The following FAM185A variants were observed in gnomAD, a reference collection of about 807,000 sequenced individuals.
FAM185A encodes family with sequence similarity 185 member A, also known as protein FAM185A.
FAM185A carries 21 observed loss-of-function variants against 45.7 expected under a neutral mutation model. The observed-to-expected ratio is 0.46, with a 90% CI of 0.33 to 0.66. FAM185A has a LOEUF of 0.66. Ranked by LOEUF, FAM185A falls within the 30% of genes least tolerant of loss-of-function variation. The probability of loss-of-function intolerance (pLI) is 0.03; values close to 1 mark genes in which losing one functional copy is unlikely to be tolerated. For missense variants in FAM185A, 305 were observed against 485.4 expected, an observed-to-expected ratio of 0.63 and a Z score of 3.49; for synonymous variants, 117 against 194.0, an observed-to-expected ratio of 0.60 and a Z score of 3.30.
chr7:102,757,491 CTAT>C (rs1401749364), intron 2 of FAM185A, among the ~76,000 whole-genome samples: 1 of 152,098 alleles, frequency 6.6e-6, no homozygotes, highest in Non-Finnish European at 1.5e-5. Flanking sequence ...TAAGTGATAA[CTAT>C]TATTGTTATT....
intron 6 of FAM185A, among the ~76,000 whole-genome samples, chr7:102,784,837 A>G (rs1795671854): frequency 6.6e-6 from 1 of 152,236 alleles, no homozygotes; most frequent in Non-Finnish European, 1.5e-5. Flanking sequence ...GGCCAGGGCA[A>G]TCAGGCAGGA....
At chr7:102,797,189 A>G (rs1423212188) in intron 7 of FAM185A, among the ~76,000 whole-genome samples, 3 of 152,202 alleles carry the variant, frequency 2.0e-5, no homozygotes, top group Non-Finnish European at 4.4e-5. Context: ...GAGGCTGGGC[A>G]CGGTGGCTCA....
chr7:102,835,153 T>C, the FAM185A span, among the ~76,000 whole-genome samples: 1 of 152,216 alleles, frequency 6.6e-6, no homozygotes, highest in Admixed American at 6.5e-5. Context: ...CATTCTTTGA[T>C]CTCATGCAGA....
chr7:102,784,530 T>C (rs1039756002), intron 6 of FAM185A, among the ~76,000 whole-genome samples: 12 of 152,132 alleles, frequency 7.9e-5, no homozygotes, highest in Non-Finnish European at 1.6e-4. Flanking sequence ...TGGTTCAACA[T>C]ATGCAAATCA....
the FAM185A span, among the ~76,000 whole-genome samples, chr7:102,834,145 GAAGAC>G: frequency 7.4e-5 from 7 of 94,794 alleles, no homozygotes; most frequent in South Asian, 1.1e-3. Context: ...AAAGAAAAGA[GAAGAC>G]AAGAGAAAAG....
the FAM185A span, chr7:102,822,154 TGCAG>T: frequency 3.7e-6 from 6 of 1,614,176 alleles, no homozygotes; most frequent in East Asian, 1.3e-4. Flanking sequence ...ATCCAAAATG[TGCAG>T]GTAATGGCAT....
At chr7:102,791,943 AATTTTGGAAATAATGAGCAGCTTTAT>A (rs1240723014) in intron 7 of FAM185A, among the ~76,000 whole-genome samples, 1 of 152,118 alleles carries the variant, frequency 6.6e-6, no homozygotes, top group Non-Finnish European at 1.5e-5. Context: ...TCTGAAACCA[AATTTTGGAAATAATGAGCAGCTTTAT>A]ATGTGAGCTA....
intron 4 of FAM185A, among the ~76,000 whole-genome samples, chr7:102,762,627 G>A (rs1323479682): frequency 2.0e-5 from 3 of 152,124 alleles, no homozygotes; most frequent in Admixed American, 6.5e-5. Context: ...TAGAAAGCAT[G>A]GTTAGTGCTA....
rs1385931007 is a variant in FAM185A at position 102,752,932 on chromosome 7, T to A, written c.561+1131T>A. 2.6e-5 allele frequency among the ~76,000 whole-genome samples: 4 copies of A among 151,152 alleles called. No homozygotes were observed. In the East Asian group the frequency reaches 7.8e-4, roughly 29 times the overall value. On this transcript the variant is annotated intron_variant, in intron 2 of 7. Transcript: ENST00000413034. ...TTGCAAAATATTTTCATTTTTAGAT[T>A]TCTAAACACTAGTTAGAATAATTTG...
chr7:102,768,451 T>C (rs28660569), intron 4 of FAM185A, among the ~76,000 whole-genome samples: 76,682 of 78,806 alleles, frequency 0.97, 37,424 homozygotes, highest in East Asian at 1. Context: ...TAATTATAAA[T>C]TCCTCAAGAA....
At chr7:102,788,127 G>A (rs1795930660) in intron 7 of FAM185A, among the ~76,000 whole-genome samples, 1 of 151,986 alleles carries the variant, frequency 6.6e-6, no homozygotes, top group Non-Finnish European at 1.5e-5. Context: ...ACCATGCCCG[G>A]CTAATTTTTT....
chr7:102,811,067 T>C (rs1425518513), downstream of FAM185A, among the ~76,000 whole-genome samples: 3 of 152,206 alleles, frequency 2.0e-5, no homozygotes, highest in Non-Finnish European at 2.9e-5. Context: ...TGGTGTGTTA[T>C]ACTATTAAGT....
At chr7:102,812,840 CTTTTTTTTTT>C (rs908090315), downstream of FAM185A, among the ~76,000 whole-genome samples, 4 of 122,566 alleles carry the variant, frequency 3.3e-5, no homozygotes, top group African/African-American at 6.0e-5. Context: ...GATTTGGCTT[CTTTTTTTTTT>C]TTTTTTTTTT....
At chr7:102,835,603 GTTT>G in the FAM185A span, among the ~76,000 whole-genome samples, 3 of 97,510 alleles carry the variant, frequency 3.1e-5, no homozygotes, top group Admixed American at 1.3e-4. Context: ...AGGTGACATT[GTTT>G]TTTTTTTTTT....
chr7:102,791,142 T>C (rs540876668), intron 7 of FAM185A, among the ~76,000 whole-genome samples: 1 of 152,006 alleles, frequency 6.6e-6, no homozygotes, highest in Non-Finnish European at 1.5e-5. Context: ...GGTCAGATCA[T>C]ATGGGACAGT....
At chr7:102,788,125 C>T (rs112276228) in intron 7 of FAM185A, among the ~76,000 whole-genome samples, 5 of 151,966 alleles carry the variant, frequency 3.3e-5, no homozygotes, top group South Asian at 2.1e-4. Context: ...CCACCATGCC[C>T]GGCTAATTTT....
chr7:102,749,480 C>A lies in FAM185A; in HGVS notation c.273C>A (p.Asp91Glu). 6.5e-7 allele frequency: 1 copy of A among 1,544,174 alleles called. No individual in the cohort carries two copies. ...LPCHLAVRPL[D>E]PLTYPDGDRV... ...GCCACCTGGCCGTGAGGCCCCTGGA[C>A]CCCCTCACCTACCCGGATGGCGACC... Residue 91 changes from aspartate (D) to glutamate (E), a missense_variant, in exon 1 of 8, where the codon GAC (aspartate) becomes GAA (glutamate). Transcript: ENST00000413034.
rs377714244 is a variant in FAM185A at position 102,782,430 on chromosome 7, C to A, written c.932-4905C>A. Among the ~76,000 whole-genome samples, 73 of 152,288 alleles carry A rather than the reference C, an allele frequency of 4.8e-4. No individual in the cohort carries two copies. In the East Asian group the frequency reaches 0.012, roughly 24 times the overall value. Reference sequence around the variant, plus strand: ...GTCGGGTTACCCACAAAGGGAAGCCCATCAGACTAACAGCTGATCTCTCAG... The same window carrying A: ...GTCGGGTTACCCACAAAGGGAAGCCAATCAGACTAACAGCTGATCTCTCAG... On this transcript the variant is annotated intron_variant, in intron 6 of 7. Transcript: ENST00000413034.
At chr7:102,828,183 A>G in the FAM185A span, among the ~76,000 whole-genome samples, 1 of 152,088 alleles carries the variant, frequency 6.6e-6, no homozygotes. Flanking sequence ...CAGTATGGCC[A>G]TTTTCACAAT....
Sources: gnomAD v4.1 joint callset for allele counts (sites outside exome capture counted in the v4.1 genomes callset) on GRCh38, gnomAD v4.1.1 for gene constraint, MANE v1.5 for transcripts, NCBI Gene and HGNC (gene_info 2026-07-23, HGNC 2026-07-21) for gene names.